The following ATP13A5 variants were observed in gnomAD, a reference collection of about 807,000 sequenced individuals.
The protein encoded by ATP13A5 is probable cation-transporting ATPase 13A5.
ATP13A5 carries 149 observed loss-of-function variants against 150.2 expected under a neutral mutation model. That is an observed-to-expected ratio of 0.99 (90% CI 0.87 to 1.14). The LOEUF (loss-of-function observed/expected upper bound fraction) is 1.14, where lower values mean the gene tolerates loss of function less well. ATP13A5 is among the 50% of genes most tolerant of loss of function. ATP13A5 has a pLI of 0.00. For missense variants in ATP13A5, 1,383 were observed against 1,449.3 expected (o/e 0.95, Z 0.74); for synonymous variants, 497 against 522.2 (o/e 0.95, Z 0.66).
At chr3:193,321,971 T>G in intron 15 of ATP13A5, 134 bp from the exon 16 acceptor site, 3 of 1,030,904 alleles carry the variant, frequency 2.9e-6, no homozygotes, top group African/African-American at 1.6e-5. Context: ...AACATTGATT[T>G]TGTGTGTGTG....
chr3:193,337,089 T>C (rs1467885413), intron 9 of ATP13A5, among the ~76,000 whole-genome samples: 1 of 152,142 alleles, frequency 6.6e-6, no homozygotes, highest in Admixed American at 6.5e-5. Context: ...GGGTTGTTTG[T>C]TTTTTTCTTG....
rs1719159208 is a variant in ATP13A5, at chr3:193,319,046, G to T, written c.1978C>A (p.Leu660Ile). 6.2e-7 allele frequency: 1 copy of T among 1,614,004 alleles called. No homozygotes were observed. The highest frequency in any genetic ancestry group is 8.5e-7 in the Non-Finnish European group (1 of 1,179,900). ...YTVQGFRVIA[L>I]AHKTLKMGNL... The stretch of plus-strand genomic sequence containing the variant: ...CCCATCTTTAAGGTTTTGTGGGCAA[G>T]AGCAATGACACGGAAGCCTTGCACC... Residue 660 changes from leucine to isoleucine, a missense_variant, in exon 17 of 30, where the codon CTT becomes ATT. By Grantham distance (5) the Leu-to-Ile change is conservative (BLOSUM62 2). This residue lies in a region of ATP13A5 where 28 missense variants were observed against 55.9 expected (regional missense o/e 0.50). Transcript: ENST00000342358.
intron 27 of ATP13A5, among the ~76,000 whole-genome samples, chr3:193,282,251 T>C (rs1717529081): frequency 6.6e-6 from 1 of 152,182 alleles, no homozygotes; most frequent in Non-Finnish European, 1.5e-5. Context: ...GTAAAATACA[T>C]TTATAATTTT....
intron 25 of ATP13A5, among the ~76,000 whole-genome samples, chr3:193,293,989 C>T (rs1469396422): frequency 6.6e-6 from 1 of 152,016 alleles, no homozygotes; most frequent in East Asian, 1.9e-4. Context: ...AAATGAGGGG[C>T]CTAGAGGTGG....
At chr3:193,298,749 C>A (rs1718273300) in intron 25 of ATP13A5, among the ~76,000 whole-genome samples, 1 of 152,148 alleles carries the variant, frequency 6.6e-6, no homozygotes, top group Non-Finnish European at 1.5e-5. Context: ...TTTGTTCTCA[C>A]ACATCAAAGA....
rs559163997 is a variant in ATP13A5 at position 193,320,149 on chromosome 3, A to G, written c.1916-1041T>C. On this transcript the variant is annotated intron_variant, in intron 16 of 29. Coordinates refer to ENST00000342358, the MANE Select transcript of ATP13A5 (RefSeq NM_198505.4). ...GTATAGTAGCTTAGGTGGCAAATCA[A>G]CTAAGTTCTATTCTCCCTTCCACTT... is the stretch of plus-strand genomic sequence containing the variant. Among the ~76,000 whole-genome samples, 11 of 152,350 alleles carry G rather than the reference A, an allele frequency of 7.2e-5. No homozygotes were observed. In the South Asian group the frequency reaches 2.3e-3, roughly 32 times the overall value.
chr3:193,377,072 T>C (rs572518684), intron 1 of ATP13A5, among the ~76,000 whole-genome samples: 4 of 152,162 alleles, frequency 2.6e-5, no homozygotes, highest in Non-Finnish European at 4.4e-5. Flanking sequence ...ATGATACCAA[T>C]GTCCTGTTTG....
chr3:193,312,025 A>T, intron 19 of ATP13A5, 84 bp from the exon 20 acceptor site: 1 of 1,537,806 alleles, frequency 6.5e-7, no homozygotes, highest in South Asian at 1.2e-5. Context: ...AAGAGTTTTC[A>T]TGTTGCCTAA....
intron 25 of ATP13A5, among the ~76,000 whole-genome samples, chr3:193,295,098 A>G (rs1036699233): frequency 6.6e-6 from 1 of 152,086 alleles, no homozygotes; most frequent in African/African-American, 2.4e-5. Flanking sequence ...TCAATTGTTG[A>G]TGACTCCTAA....
At position 193,298,982 on chromosome 3, in the gene ATP13A5, T is replaced by C. The variant is rs1718282632; in HGVS notation, c.2848+149A>G. On this transcript the variant is annotated intron_variant, in intron 25 of 29. Transcript: ENST00000342358. ...AAGTCTCAGGATTTCAACTCTCAAC[T>C]TACTCCCAATATCACTTTTAAAAAA... 10 of 605,712 alleles carry C rather than the reference T, an allele frequency of 1.7e-5. No homozygotes were observed. The South Asian group carries it at 2.0e-4, about 12-fold the overall frequency. 37.5% of individuals were successfully genotyped at this position (605,712 alleles called of 1,614,324 possible). A position where few individuals can be genotyped will look rare whatever the true frequency, so the allele number is the denominator to read the frequency against.
chr3:193,301,086 AC>A (rs751929825), intron 24 of ATP13A5, 124 bp downstream of exon 24: 5 of 816,428 alleles, frequency 6.1e-6, no homozygotes, highest in Non-Finnish European at 1.0e-5. Flanking sequence ...GAGTTTGCAG[AC>A]ACCTATTTTG....
chr3:193,324,793 T>C lies in ATP13A5; in HGVS notation c.1674+71A>G, dbSNP rs1719412097. The C allele has an allele frequency of 4.6e-6, 7 of 1,529,964 alleles. 1 individual carries two copies. The South Asian group carries it at 6.1e-5, about 13-fold the overall frequency. 94.8% of individuals were successfully genotyped at this position (1,529,964 alleles called of 1,614,324 possible). On this transcript the variant is annotated intron_variant, in intron 14 of 29. Coordinates refer to ENST00000342358, the MANE Select transcript of ATP13A5 (RefSeq NM_198505.4). Reference sequence around the variant, plus strand: ...AACCTTCTCTGTGTTTTAACAAAAATTAGAAAAGCTTCAGCACTCCCAGTA... The same window carrying C: ...AACCTTCTCTGTGTTTTAACAAAAACTAGAAAAGCTTCAGCACTCCCAGTA...
intron 15 of ATP13A5, among the ~76,000 whole-genome samples, 157 bp downstream of exon 15, chr3:193,322,334 T>C (rs1366630679): frequency 6.6e-6 from 1 of 152,080 alleles, no homozygotes; most frequent in East Asian, 1.9e-4. Flanking sequence ...GTTGAATAAA[T>C]TAATAGACAA....
chr3:193,358,187 GT>G (rs1712863624), intron 5 of ATP13A5, among the ~76,000 whole-genome samples: 2 of 152,118 alleles, frequency 1.3e-5, no homozygotes, highest in Non-Finnish European at 2.9e-5. Flanking sequence ...GACGTCTATA[GT>G]TTTCCATACA....
At chr3:193,323,557 T>TAG (rs1443976275) in intron 14 of ATP13A5, 2 of 152,216 alleles carry the variant, frequency 1.3e-5, no homozygotes, top group African/African-American at 4.8e-5. Context: ...GGGATGTAGT[T>TAG]AGGGCCAGGA....
chr3:193,337,573 C>A (rs1269060794), intron 9 of ATP13A5, among the ~76,000 whole-genome samples: 2 of 152,132 alleles, frequency 1.3e-5, no homozygotes, highest in African/African-American at 4.8e-5. Flanking sequence ...GGGCTCTGTT[C>A]TTTTCCATTG....
intron 12 of ATP13A5, among the ~76,000 whole-genome samples, chr3:193,329,007 G>A (rs1388015641): frequency 6.6e-6 from 1 of 152,196 alleles, no homozygotes. Flanking sequence ...AGCACTTTGG[G>A]AGGCCGAGGA....
Position 193,321,805 on chromosome 3 carries a change from C to G in ATP13A5, c.1791G>C (p.Gln597His). 1 of 1,614,120 alleles carries G rather than the reference C, an allele frequency of 6.2e-7. No homozygotes were observed. The highest frequency in any genetic ancestry group is 1.3e-5 in the African/African-American group (1 of 75,036). The change falls in exon 16 of 30, where the codon CAG becomes CAC. Residue 597 changes from glutamine (Q) to histidine (H), a missense_variant. Gln to His is a conservative substitution (Grantham distance 24, BLOSUM62 0). Transcript: ENST00000342358. ...SPVEAIITLC[Q>H]FPFSSSLQRM... ...TCTGCAGGCTCGAGGAAAATGGAAA[C>G]TGGCACAAGGTGATGATGGCTTCCA...
intron 11 of ATP13A5, 88 bp from the exon 12 acceptor site, chr3:193,331,399 TC>T: frequency 7.8e-7 from 1 of 1,275,530 alleles, no homozygotes; most frequent in Non-Finnish European, 1.1e-6. Context: ...GCACATTGTC[TC>T]CTACTGCAGA....
Sources: allele counts gnomAD v4.1 joint callset (sites outside exome capture counted in the v4.1 genomes callset), GRCh38; gene constraint gnomAD v4.1.1; regional missense constraint gnomAD v4.1.1; transcripts MANE v1.5; gene names NCBI Gene and HGNC (gene_info 2026-07-23, HGNC 2026-07-21).